MACROD2: variants seen among roughly 807,000 people sequenced by gnomAD.
MACROD2 encodes mono-ADP ribosylhydrolase 2, also known as ADP-ribose glycohydrolase MACROD2.
In MACROD2, 36 loss-of-function variants were observed where a neutral mutation model predicts 70.4. That is an observed-to-expected ratio of 0.51 (90% CI 0.39 to 0.68). The LOEUF is 0.68. Among genes scored for constraint, MACROD2 ranks in the 30% least tolerant of loss-of-function variants. The probability of loss-of-function intolerance (pLI) is 0.00; values close to 1 mark genes in which losing one functional copy is unlikely to be tolerated. For synonymous variants in MACROD2, 172 were observed against 178.8 expected (o/e 0.96, Z 0.30); for missense variants, 496 against 538.4 (o/e 0.92, Z 0.78).
At chr20:15,853,549 C>G (rs535320334) in intron 8 of MACROD2, among the ~76,000 whole-genome samples, 1 of 152,268 alleles carries the variant, frequency 6.6e-6, no homozygotes, top group Non-Finnish European at 1.5e-5. Context: ...GTTGACATGC[C>G]TTTGCTGGCT....
intron 6 of MACROD2, among the ~76,000 whole-genome samples, chr20:15,386,668 A>C (rs181734068): frequency 9.2e-5 from 14 of 152,160 alleles, no homozygotes; most frequent in Non-Finnish European, 1.5e-4. Context: ...TTGTGTCTTG[A>C]TCATTGAAAT....
intron 5 of MACROD2, among the ~76,000 whole-genome samples, chr20:14,975,816 C>A (rs539164408): frequency 1.3e-5 from 2 of 152,068 alleles, no homozygotes; most frequent in African/African-American, 4.8e-5. Context: ...TGAGCTGAAG[C>A]GGAGTGAGAA....
chr20:16,004,678 C>CCA (rs1392641834), intron 15 of MACROD2, among the ~76,000 whole-genome samples: 1 of 152,242 alleles, frequency 6.6e-6, no homozygotes, highest in Non-Finnish European at 1.5e-5. Context: ...CAGCCAACTC[C>CCA]CACACACAGC....
intron 8 of MACROD2, among the ~76,000 whole-genome samples, chr20:15,606,777 C>T (rs374331250): frequency 5.3e-5 from 8 of 152,008 alleles, no homozygotes; most frequent in South Asian, 2.1e-4. Context: ...CCGAGGCAGG[C>T]GGATCACCTG....
intron 8 of MACROD2, among the ~76,000 whole-genome samples, chr20:15,789,869 A>G (rs769499871): frequency 7.5e-4 from 114 of 152,030 alleles, no homozygotes; most frequent in Middle Eastern, 3.2e-3. Context: ...AATTTGAGGA[A>G]CCAAGTGTTA....
chr20:15,461,006 A>ATATATATATATATATATATTTTTTTTTTT, intron 7 of MACROD2, among the ~76,000 whole-genome samples: 15 of 66,998 alleles, frequency 2.2e-4, no homozygotes, highest in African/African-American at 5.5e-4. Context: ...ATATATATAT[A>ATATATATATATATATATATTTTTTTTTTT]TTTTTTTTTA....
intron 4 of MACROD2, among the ~76,000 whole-genome samples, chr20:14,509,405 A>G (rs2085004874): frequency 6.6e-6 from 1 of 152,078 alleles, no homozygotes; most frequent in Non-Finnish European, 1.5e-5. Flanking sequence ...CTAGATATAC[A>G]AAGATGAATA....
rs1006228090 is a variant in MACROD2 at position 15,797,508 on chromosome 20, A to C, written c.646-65237A>C. Among the ~76,000 whole-genome samples, 8 of 149,042 alleles carry C rather than the reference A, an allele frequency of 5.4e-5. No homozygotes were observed. In the Admixed American group the frequency reaches 5.4e-4, roughly 10 times the overall value. ...AGCATCACAAGCCAAAAAGAGCTCA[A>C]GGCTCATCATCGGATGGTCATTTTT... On this transcript the variant is annotated intron_variant, in intron 8 of 17. Transcript: ENST00000684519.
chr20:15,832,305 G>C (rs2064065277), intron 8 of MACROD2, among the ~76,000 whole-genome samples: 1 of 152,164 alleles, frequency 6.6e-6, no homozygotes, highest in Non-Finnish European at 1.5e-5. Context: ...CCTCTTTGGG[G>C]ATACTGTGAT....
chr20:15,896,898 T>C (rs922000550), intron 10 of MACROD2, among the ~76,000 whole-genome samples: 1 of 152,180 alleles, frequency 6.6e-6, no homozygotes, highest in Non-Finnish European at 1.5e-5. Context: ...GTGCTATAAA[T>C]GATAATGCCA....
chr20:15,460,728 G>A (rs1410222598), intron 7 of MACROD2, among the ~76,000 whole-genome samples: 1 of 151,796 alleles, frequency 6.6e-6, no homozygotes, highest in African/African-American at 2.4e-5. Flanking sequence ...GTTTCTGTTT[G>A]CCTTTCTTGA....
At chr20:15,392,952 C>T (rs150801217) in intron 6 of MACROD2, among the ~76,000 whole-genome samples, 7 of 152,034 alleles carry the variant, frequency 4.6e-5, no homozygotes, top group East Asian at 3.9e-4. Context: ...CCCCAGTTCT[C>T]GGTGCTGCTA....
intron 8 of MACROD2, among the ~76,000 whole-genome samples, chr20:15,711,879 C>A (rs2050634544): frequency 6.6e-6 from 1 of 152,200 alleles, no homozygotes; most frequent in Non-Finnish European, 1.5e-5. Flanking sequence ...GGGCACCTGA[C>A]AACATTTTCT....
At chr20:15,532,806 A>C (rs1207657057) in intron 8 of MACROD2, among the ~76,000 whole-genome samples, 1 of 151,920 alleles carries the variant, frequency 6.6e-6, no homozygotes, top group East Asian at 1.9e-4. Flanking sequence ...TGTCCTTATG[A>C]GCTCTCTGGC....
At chr20:15,006,509 G>A (rs529964489) in intron 5 of MACROD2, among the ~76,000 whole-genome samples, 141 of 152,102 alleles carry the variant, frequency 9.3e-4, no homozygotes, top group Middle Eastern at 3.4e-3. Context: ...ACAAAAAAAG[G>A]TAACTATCTG....
intron 5 of MACROD2, among the ~76,000 whole-genome samples, chr20:15,227,345 C>G (rs1483413649): frequency 6.6e-6 from 1 of 151,918 alleles, no homozygotes; most frequent in African/African-American, 2.4e-5. Context: ...TTTTCTTTCT[C>G]TCCCTTATCC....
At chr20:13,998,607 C>G (rs1342229250) in intron 1 of MACROD2, among the ~76,000 whole-genome samples, 1 of 152,090 alleles carries the variant, frequency 6.6e-6, no homozygotes, top group Non-Finnish European at 1.5e-5. Flanking sequence ...CTTCAAGTTT[C>G]CTGTTCTCTC....
intron 4 of MACROD2, among the ~76,000 whole-genome samples, chr20:14,537,408 G>T (rs2085379448): frequency 1.3e-5 from 2 of 152,126 alleles, no homozygotes; most frequent in South Asian, 4.1e-4. Flanking sequence ...CTACACCTAG[G>T]GACAGGGAAG....
chr20:14,235,878 C>A lies in MACROD2; in HGVS notation c.271+150150C>A, dbSNP rs1327634880. ...TTATCCCATCTTTTATAAGGTTTCA[C>A]TTTTCTTCTGGAAAGGCAAATAATA... On this transcript the variant is annotated intron_variant, in intron 3 of 17. Transcript: ENST00000684519. Among the ~76,000 whole-genome samples, 3 of 150,438 alleles carry A rather than the reference C, an allele frequency of 2.0e-5. No individual in the cohort carries two copies. In the East Asian group the frequency reaches 5.9e-4, roughly 30 times the overall value.
Sources: gnomAD v4.1 joint callset for allele counts (sites outside exome capture counted in the v4.1 genomes callset) on GRCh38, gnomAD v4.1.1 for gene constraint, MANE v1.5 for transcripts, NCBI Gene and HGNC (gene_info 2026-07-23, HGNC 2026-07-21) for gene names.